The following SCIMP variants were observed in gnomAD, a reference collection of about 807,000 sequenced individuals.
The protein encoded by SCIMP is SLP adaptor and CSK interacting membrane protein, also known as SLP adapter and CSK-interacting membrane protein.
A neutral mutation model predicts 22.0 loss-of-function variants in SCIMP; 18 were observed. The observed-to-expected ratio is 0.82, with a 90% CI of 0.56 to 1.21. SCIMP has a LOEUF of 1.21. SCIMP is among the 50% of genes most tolerant of loss of function. SCIMP has a pLI of 0.00. For missense variants in SCIMP, 155 were observed against 171.2 expected, an observed-to-expected ratio of 0.91 and a Z score of 0.53; for synonymous variants, 53 against 62.2, an observed-to-expected ratio of 0.85 and a Z score of 0.70.
At position 5,231,360 on chromosome 17, in the gene SCIMP, CA is replaced by C. The variant is rs1463715215; in HGVS notation, c.21+3374del. 2.5e-3 allele frequency among the ~76,000 whole-genome samples: 286 copies of C among 116,226 alleles called. 1 individual carries two copies. The highest frequency in any genetic ancestry group is 4.3e-3 in the Middle Eastern group (1 of 230). 76.2% of individuals were successfully genotyped at this position (116,226 alleles called of 152,430 possible). A position where few individuals can be genotyped will look rare whatever the true frequency, so the allele number is the denominator to read the frequency against. ...GAGTGACGAGAGTGAAACTCCATCTCAAAAAAAAAAAAAGAAAAGAAAAAAA... is the reference window on the plus strand; with the variant it reads ...GAGTGACGAGAGTGAAACTCCATCTCAAAAAAAAAAAAGAAAAGAAAAAAA... On this transcript the variant is annotated intron_variant, in intron 1 of 4. Coordinates refer to ENST00000574081, the MANE Select transcript of SCIMP (RefSeq NM_207103.3).
chr17:5,229,282 A>C (rs1289986363), intron 1 of SCIMP, among the ~76,000 whole-genome samples: 1 of 151,780 alleles, frequency 6.6e-6, no homozygotes. Context: ...CAGTCAACAC[A>C]TCAGCTTCAC....
chr17:5,221,607 T>C (rs2074608124), intron 2 of SCIMP, among the ~76,000 whole-genome samples: 1 of 152,160 alleles, frequency 6.6e-6, no homozygotes, highest in South Asian at 2.1e-4. Context: ...AAAGTGTGGT[T>C]GGGAGGAAAT....
rs754280147 is a variant in SCIMP, at chr17:5,221,181, G to A, written c.209+106C>T. The A allele has an allele frequency of 4.9e-5, 42 of 850,796 alleles. No individual in the cohort carries two copies. The African/African-American group carries it at 6.0e-4, about 12-fold the overall frequency. 52.7% of individuals were successfully genotyped at this position (850,796 alleles called of 1,614,324 possible). A position where few individuals can be genotyped will look rare whatever the true frequency, so the allele number is the denominator to read the frequency against. On this transcript the variant is annotated intron_variant, in intron 3 of 4. Coordinates refer to ENST00000574081, the MANE Select transcript of SCIMP (RefSeq NM_207103.3). Reference sequence around the variant, plus strand: ...GTGTGAAGTCTCGCCAGCTCTACAGGAAATGCGGATGTCTCAGTCATACTG... The same window carrying A: ...GTGTGAAGTCTCGCCAGCTCTACAGAAAATGCGGATGTCTCAGTCATACTG...
At chr17:5,234,611 A>G in intron 1 of SCIMP, 124 bp downstream of exon 1, 1 of 979,802 alleles carries the variant, frequency 1.0e-6, no homozygotes, top group Non-Finnish European at 1.6e-6. Context: ...CCAGGGCCCC[A>G]GGCTGCAATC....
intron 3 of SCIMP, among the ~76,000 whole-genome samples, chr17:5,219,458 T>C (rs575240906): frequency 6.6e-6 from 1 of 151,760 alleles, no homozygotes; most frequent in African/African-American, 2.4e-5. Flanking sequence ...TGAAACGCCA[T>C]CTCTACTAAA....
At position 5,228,033 on chromosome 17, in the gene SCIMP, A is replaced by G. The variant is rs560656230; in HGVS notation, c.22-4577T>C. On this transcript the variant is annotated intron_variant, in intron 1 of 4. Coordinates refer to ENST00000574081, the MANE Select transcript of SCIMP (RefSeq NM_207103.3). ...ACTAAAATACAAAAATTAGCCAGGC[A>G]TGGTGGTGTGCACCTGTAATCTCAG... Among the ~76,000 whole-genome samples, 4 of 152,216 alleles carry G rather than the reference A, an allele frequency of 2.6e-5. No homozygotes were observed. The South Asian group carries it at 8.3e-4, about 32-fold the overall frequency.
intron 1 of SCIMP, among the ~76,000 whole-genome samples, chr17:5,227,984 C>G (rs2074664381): frequency 6.6e-6 from 1 of 152,018 alleles, no homozygotes; most frequent in Admixed American, 6.6e-5. Flanking sequence ...ACCAGCCTGG[C>G]CAACATGGTG....
chr17:5,209,086 G>A lies in SCIMP; in HGVS notation c.*1715C>T, dbSNP rs1473302788. On this transcript the variant is annotated 3_prime_UTR_variant, in exon 5 of 5. Transcript: ENST00000574081. ...TGGTGGGATACCAGAGTCCCATAAG[G>A]CCATAGTTAGATAACTACTGGCCTA... 6.6e-6 allele frequency: 1 copy of A among 152,126 alleles called. No individual in the cohort carries two copies. The highest frequency in any genetic ancestry group is 2.4e-5 in the African/African-American group (1 of 41,426). 9.4% of individuals were successfully genotyped at this position (152,126 alleles called of 1,614,324 possible). A position where few individuals can be genotyped will look rare whatever the true frequency, so the allele number is the denominator to read the frequency against.
chr17:5,223,604 G>A lies in SCIMP; in HGVS notation c.22-148C>T, dbSNP rs957777110. Reference sequence around the variant, plus strand: ...GTCGCCCAGGCTGGAGTGCAATGACGTGATCTCAGCTCTCAGCTCACTGCA... The same window carrying A: ...GTCGCCCAGGCTGGAGTGCAATGACATGATCTCAGCTCTCAGCTCACTGCA... On this transcript the variant is annotated intron_variant, in intron 1 of 4. Coordinates refer to ENST00000574081, the MANE Select transcript of SCIMP (RefSeq NM_207103.3). 7.0e-6 allele frequency: 5 copies of A among 710,524 alleles called. No homozygotes were observed. In the African/African-American group the frequency reaches 7.2e-5, roughly 10 times the overall value. The allele number at this position is 710,524 out of a possible 1,614,324, so 44.0% of individuals were successfully genotyped here.
At chr17:5,221,392 A>C in intron 2 of SCIMP, 42 bp from the exon 3 acceptor site, 1 of 1,491,026 alleles carries the variant, frequency 6.7e-7, no homozygotes, top group Non-Finnish European at 9.4e-7. Flanking sequence ...GAATTAGCAA[A>C]AGTTGTGATT....
chr17:5,220,565 C>G (rs186173769), intron 3 of SCIMP, among the ~76,000 whole-genome samples: 4,608 of 151,814 alleles, frequency 0.03, 217 homozygotes, highest in African/African-American at 0.1. Flanking sequence ...GGTGAAACCC[C>G]GTCTCTACTA....
At chr17:5,224,012 T>C (rs1331679709) in intron 1 of SCIMP, among the ~76,000 whole-genome samples, 3 of 152,182 alleles carry the variant, frequency 2.0e-5, no homozygotes, top group Non-Finnish European at 4.4e-5. Flanking sequence ...TTCACTGAGG[T>C]TTGTGAGGAC....
At chr17:5,223,478 G>A in intron 1 of SCIMP, 22 bp from the exon 2 acceptor site, 1 of 1,612,474 alleles carries the variant, frequency 6.2e-7, no homozygotes, top group Non-Finnish European at 8.5e-7. Flanking sequence ...GGAGAGAGAA[G>A]AATGAGGTAT....
At chr17:5,217,795 CTTAA>C (rs2074576736) in intron 3 of SCIMP, among the ~76,000 whole-genome samples, 1 of 152,008 alleles carries the variant, frequency 6.6e-6, no homozygotes, top group African/African-American at 2.4e-5. Context: ...GCCACATTTT[CTTAA>C]TCCATTCTAT....
chr17:5,225,140 C>T (rs1424687136), intron 1 of SCIMP, among the ~76,000 whole-genome samples: 2 of 152,154 alleles, frequency 1.3e-5, no homozygotes, highest in East Asian at 1.9e-4. Context: ...GCTGTGGTGT[C>T]GCCTTTTGTT....
intron 1 of SCIMP, among the ~76,000 whole-genome samples, chr17:5,229,780 G>T (rs1442893456): frequency 6.6e-6 from 1 of 151,950 alleles, no homozygotes; most frequent in South Asian, 2.1e-4. Flanking sequence ...TAAATGAAGC[G>T]CTGAAGGGCC....
intron 1 of SCIMP, among the ~76,000 whole-genome samples, chr17:5,231,127 A>G (rs12936926): frequency 0.075 from 11,376 of 152,236 alleles, 491 homozygotes; most frequent in Middle Eastern, 0.13. Context: ...TGGGAGGCCA[A>G]GGTAGGCAGA....
chr17:5,224,947 G>A (rs1041980638), intron 1 of SCIMP, among the ~76,000 whole-genome samples: 6 of 152,132 alleles, frequency 3.9e-5, no homozygotes, highest in African/African-American at 1.4e-4. Flanking sequence ...ACAGGCATTT[G>A]GGGGCTGGAA....
chr17:5,223,458 TG>T lies in SCIMP; in HGVS notation c.22-3del. ...CCACCAGCTCATTGCAGTGGAATCC[TG>T]AGAAGAATGGAGAGAGAAGAATGAG... On this transcript the variant is annotated splice_region_variant and splice_polypyrimidine_tract_variant and intron_variant, in intron 1 of 4. Coordinates refer to ENST00000574081, the MANE Select transcript of SCIMP (RefSeq NM_207103.3). 6.2e-7 allele frequency: 1 copy of T among 1,613,588 alleles called. No individual in the cohort carries two copies. The highest frequency in any genetic ancestry group is 8.5e-7 in the Non-Finnish European group (1 of 1,179,632).
Sources: gnomAD v4.1 joint callset for allele counts (sites outside exome capture counted in the v4.1 genomes callset) on GRCh38, gnomAD v4.1.1 for gene constraint, MANE v1.5 for transcripts, NCBI Gene and HGNC (gene_info 2026-07-23, HGNC 2026-07-21) for gene names.